The following DNAH12 variants were observed in gnomAD, a reference collection of about 807,000 sequenced individuals.
DNAH12 encodes the protein dynein axonemal heavy chain 12.
In DNAH12, 285 loss-of-function variants were observed where a neutral mutation model predicts 371.5. The observed-to-expected ratio is 0.77, with a 90% CI of 0.70 to 0.85. DNAH12 has a LOEUF of 0.85. DNAH12 is among the 40% of genes least tolerant of loss of function. The pLI, the probability that DNAH12 is intolerant of heterozygous loss-of-function variation, is 0.00. For synonymous variants in DNAH12, 1,200 were observed against 1,213.0 expected (o/e 0.99, Z 0.22); for missense variants, 3,611 against 3,689.4 (o/e 0.98, Z 0.55).
At chr3:57,515,973 T>C (rs2068176441) in intron 4 of DNAH12, among the ~76,000 whole-genome samples, 1 of 151,850 alleles carries the variant, frequency 6.6e-6, no homozygotes, top group Non-Finnish European at 1.5e-5. Context: ...TTACTTTTAT[T>C]TTTTTTCAAT....
rs982308320 is a variant in DNAH12, at chr3:57,385,429, C to T, written c.7603G>A (p.Val2535Ile). Reference protein sequence around the residue: ...LDKLAFAESQVGEMQMELVEL... With the variant: ...LDKLAFAESQIGEMQMELVEL... ...ACAAGCTCCATTTGCATTTCACCAA[C>T]CTAAAGAGACAGTTTATAATATGAT... The change falls in exon 48 of 74, where the codon GTT (valine) becomes ATT (isoleucine). Residue 2535 changes from valine (V) to isoleucine (I), a missense_variant and splice_region_variant. By Grantham distance (29) the Val-to-Ile change is conservative. Transcript: ENST00000495027. 3.3e-5 allele frequency: 5 copies of T among 152,300 alleles called. No homozygotes were observed. In the South Asian group the frequency reaches 1.0e-3, roughly 32 times the overall value. The allele number at this position is 152,300 out of a possible 1,614,324, so 9.4% of individuals were successfully genotyped here. A position where few individuals can be genotyped will look rare whatever the true frequency, so the allele number is the denominator to read the frequency against.
chr3:57,360,598 G>C (rs1311355298), intron 58 of DNAH12, among the ~76,000 whole-genome samples: 1 of 152,128 alleles, frequency 6.6e-6, no homozygotes, highest in East Asian at 1.9e-4. Flanking sequence ...TGAGGCAGAA[G>C]AATCGCTTGA....
At chr3:57,398,744 T>C (rs2063795837) in intron 43 of DNAH12, among the ~76,000 whole-genome samples, 1 of 152,168 alleles carries the variant, frequency 6.6e-6, no homozygotes, top group Admixed American at 6.5e-5. Flanking sequence ...CCTTTCCAGA[T>C]GAACAAACAC....
intron 69 of DNAH12, among the ~76,000 whole-genome samples, chr3:57,302,967 T>G (rs1459928962): frequency 6.6e-6 from 1 of 151,974 alleles, no homozygotes; most frequent in African/African-American, 2.4e-5. Context: ...AGTTAACAGA[T>G]GGATGAGAAG....
At chr3:57,351,901 A>C (rs1375548218) in intron 60 of DNAH12, among the ~76,000 whole-genome samples, 184 bp downstream of exon 60, 5 of 152,162 alleles carry the variant, frequency 3.3e-5, no homozygotes, top group African/African-American at 1.2e-4. Flanking sequence ...CTGTTACATA[A>C]ATTTTAAAAA....
chr3:57,492,605 A>C (rs1041217593), intron 11 of DNAH12, among the ~76,000 whole-genome samples: 2 of 152,218 alleles, frequency 1.3e-5, no homozygotes, highest in African/African-American at 2.4e-5. Flanking sequence ...GGAATATGTT[A>C]CTAAATCTAA....
At chr3:57,387,881 A>G (rs954317667) in intron 45 of DNAH12, among the ~76,000 whole-genome samples, 13 of 152,206 alleles carry the variant, frequency 8.5e-5, no homozygotes, top group Non-Finnish European at 1.5e-4. Flanking sequence ...AGCAGAAATA[A>G]CTTGGGATCC....
chr3:57,496,774 G>T (rs1340541582), intron 11 of DNAH12, among the ~76,000 whole-genome samples: 1 of 152,128 alleles, frequency 6.6e-6, no homozygotes, highest in Non-Finnish European at 1.5e-5. Context: ...TTCAAGACCA[G>T]CCTGGCCAAC....
At chr3:57,324,404 T>A (rs58797448) in intron 62 of DNAH12, among the ~76,000 whole-genome samples, 29,718 of 152,196 alleles carry the variant, frequency 0.2, 3,146 homozygotes, top group African/African-American at 0.22. Flanking sequence ...AAAGATGGCC[T>A]GGGAGGCCAT....
intron 66 of DNAH12, among the ~76,000 whole-genome samples, chr3:57,312,489 T>C (rs2061601923): frequency 6.6e-6 from 1 of 152,232 alleles, no homozygotes; most frequent in Non-Finnish European, 1.5e-5. Flanking sequence ...ATTTGCCTTT[T>C]GGAGAGAGGC....
At chr3:57,527,874 T>C (rs1195922414) in intron 2 of DNAH12, among the ~76,000 whole-genome samples, 1 of 152,232 alleles carries the variant, frequency 6.6e-6, no homozygotes, top group Non-Finnish European at 1.5e-5. Context: ...GGAAGCTTTT[T>C]AACTTGATAT....
intron 29 of DNAH12, among the ~76,000 whole-genome samples, chr3:57,442,384 T>C (rs999048237): frequency 5.3e-5 from 8 of 151,910 alleles, no homozygotes; most frequent in Non-Finnish European, 1.0e-4. Flanking sequence ...AATAGCACAA[T>C]GGGCAGGAGT....
At chr3:57,380,198 T>C (rs915818414) in intron 51 of DNAH12, 80 bp downstream of exon 51, 2 of 152,176 alleles carry the variant, frequency 1.3e-5, no homozygotes, top group Non-Finnish European at 1.5e-5. Context: ...CTGTATGTGT[T>C]GTAAACTATT....
At chr3:57,494,370 T>C (rs933851863) in intron 11 of DNAH12, among the ~76,000 whole-genome samples, 1 of 151,930 alleles carries the variant, frequency 6.6e-6, no homozygotes, top group African/African-American at 2.4e-5. Flanking sequence ...CTGGGCAACA[T>C]AGTGAGACCT....
intron 43 of DNAH12, among the ~76,000 whole-genome samples, chr3:57,401,866 A>G (rs190595952): frequency 6.6e-6 from 1 of 152,330 alleles, no homozygotes; most frequent in Admixed American, 6.5e-5. Flanking sequence ...GATATGAACA[A>G]TTGTATGCCA....
intron 2 of DNAH12, among the ~76,000 whole-genome samples, chr3:57,533,039 C>T (rs6769578): frequency 0.68 from 103,616 of 152,070 alleles, 35,597 homozygotes; most frequent in African/African-American, 0.71. Context: ...GGCTAGCACT[C>T]GAACCATGAG....
intron 70 of DNAH12, among the ~76,000 whole-genome samples, chr3:57,300,923 G>C (rs574931603): frequency 2.6e-5 from 4 of 152,182 alleles, no homozygotes; most frequent in Admixed American, 2.6e-4. Flanking sequence ...ATGCTGGGGG[G>C]AGGGCAGAGG....
At chr3:57,314,771 AT>A (rs1559546139) in intron 65 of DNAH12, 140 bp from the exon 66 acceptor site, 2 of 844,546 alleles carry the variant, frequency 2.4e-6, no homozygotes, top group South Asian at 2.1e-5. Context: ...AAAAAATCCT[AT>A]CTAAAATAAT....
intron 49 of DNAH12, 101 bp downstream of exon 49, chr3:57,384,728 T>C (rs2063468192): frequency 6.6e-6 from 1 of 152,142 alleles, no homozygotes; most frequent in South Asian, 2.1e-4. Flanking sequence ...AAAAACAATA[T>C]AATATCACCC....
Sources: allele counts gnomAD v4.1 joint callset (sites outside exome capture counted in the v4.1 genomes callset), GRCh38; gene constraint gnomAD v4.1.1; transcripts MANE v1.5; gene names NCBI Gene and HGNC (gene_info 2026-07-23, HGNC 2026-07-21).